Variants in C5 observed in about 807,000 individuals in gnomAD.
C5 encodes C3 and PZP-like alpha-2-macroglobulin domain-containing protein 4.
A neutral mutation model predicts 218.8 loss-of-function variants in C5; 140 were observed. That is an observed-to-expected ratio of 0.64 (90% confidence interval 0.56 to 0.74). The LOEUF (loss-of-function observed/expected upper bound fraction) is 0.74, where lower values mean the gene tolerates loss of function less well. Ranked by LOEUF, C5 falls within the 30% of genes least tolerant of loss-of-function variation. C5 has a pLI of 0.00. For synonymous variants in C5, 614 were observed against 682.3 expected, an observed-to-expected ratio of 0.90 and a Z score of 1.56; for missense variants, 1,700 against 1,969.6, an observed-to-expected ratio of 0.86 and a Z score of 2.59.
intron 3 of C5, among the ~76,000 whole-genome samples, chr9:121,039,360 CG>C (rs1587996991): frequency 6.6e-6 from 1 of 152,024 alleles, no homozygotes; most frequent in Admixed American, 6.5e-5. Flanking sequence ...GCTTATTGGC[CG>C]GGTGCAGTGG....
chr9:120,960,616 G>A (rs534673613), intron 37 of C5, among the ~76,000 whole-genome samples: 50 of 152,296 alleles, frequency 3.3e-4, no homozygotes, highest in African/African-American at 1.1e-3. Flanking sequence ...CTTCGAATGC[G>A]GCACAACACA....
intron 22 of C5, among the ~76,000 whole-genome samples, chr9:120,994,538 G>A (rs951779724): frequency 1.3e-5 from 2 of 151,794 alleles, no homozygotes; most frequent in African/African-American, 4.8e-5. Flanking sequence ...AGCTGACATG[G>A]CGCCACTGCA....
chr9:120,981,267 T>C (rs558018378), intron 27 of C5, among the ~76,000 whole-genome samples: 1 of 152,282 alleles, frequency 6.6e-6, no homozygotes, highest in Admixed American at 6.5e-5. Flanking sequence ...AAACAAATGG[T>C]TTTGTTTTGT....
intron 4 of C5, among the ~76,000 whole-genome samples, chr9:121,037,337 T>C (rs549284402): frequency 3.0e-4 from 45 of 150,810 alleles, no homozygotes; most frequent in Admixed American, 6.0e-4. Context: ...TTTTTTGAGA[T>C]GGAGTCTCAC....
At chr9:121,016,187 T>C in intron 15 of C5, 67 bp downstream of exon 15, 2 of 1,591,728 alleles carry the variant, frequency 1.3e-6, no homozygotes, top group South Asian at 1.1e-5. Flanking sequence ...GGAAGAAGGA[T>C]AAAAATGAGA....
At chr9:120,997,518 C>T (rs1478903673) in intron 21 of C5, 29 bp downstream of exon 21, 2 of 1,476,414 alleles carry the variant, frequency 1.4e-6, no homozygotes, top group Non-Finnish European at 1.9e-6. Flanking sequence ...ATAATTTAAG[C>T]ATAAGTTATT....
the C5 span, among the ~76,000 whole-genome samples, chr9:121,056,765 C>G: frequency 6.6e-6 from 1 of 151,470 alleles, no homozygotes; most frequent in Non-Finnish European, 1.5e-5. Flanking sequence ...GAGTTACTAG[C>G]CTTAAAGGGG....
chr9:120,982,162 C>T (rs573476114), intron 26 of C5, among the ~76,000 whole-genome samples: 2 of 152,338 alleles, frequency 1.3e-5, no homozygotes, highest in East Asian at 1.9e-4. Context: ...CAGGCGTGCA[C>T]TACCACGCAC....
intron 22 of C5, among the ~76,000 whole-genome samples, chr9:120,994,265 T>C (rs1472489734): frequency 6.6e-6 from 1 of 152,144 alleles, no homozygotes; most frequent in East Asian, 1.9e-4. Context: ...AGTATCATAG[T>C]TGTATAGCGA....
chr9:121,042,713 A>G (rs563871766), intron 3 of C5, among the ~76,000 whole-genome samples: 2 of 152,340 alleles, frequency 1.3e-5, no homozygotes, highest in African/African-American at 4.8e-5. Flanking sequence ...ACATTTTTAC[A>G]TAACATTCAA....
chr9:121,068,025 T>C, the C5 span, among the ~76,000 whole-genome samples: 1 of 152,194 alleles, frequency 6.6e-6, no homozygotes, highest in Non-Finnish European at 1.5e-5. Flanking sequence ...GCAGCGCACA[T>C]TATCATCAAT....
At chr9:121,072,812 T>TAAAAAAAAAAAAAAAA in the C5 span, among the ~76,000 whole-genome samples, 2 of 98,602 alleles carry the variant, frequency 2.0e-5, no homozygotes, top group African/African-American at 3.5e-5. Context: ...TTCAAAAAAT[T>TAAAAAAAAAAAAAAAA]AAAAAAAAAA....
At chr9:121,002,333 TATATATATACAC>T (rs1161116034) in intron 20 of C5, among the ~76,000 whole-genome samples, 22 of 118,086 alleles carry the variant, frequency 1.9e-4, no homozygotes, top group African/African-American at 5.6e-4. Flanking sequence ...TATATATATA[TATATATATACAC>T]ACATACCTAC....
chr9:121,051,774 C>T (rs1478932540), upstream of C5, among the ~76,000 whole-genome samples: 5 of 152,214 alleles, frequency 3.3e-5, no homozygotes, highest in East Asian at 9.6e-4. Context: ...AAATGACAAA[C>T]ATTTGCCACT....
upstream of C5, among the ~76,000 whole-genome samples, chr9:121,054,386 G>C (rs574253537): frequency 4.6e-5 from 7 of 152,238 alleles, no homozygotes; most frequent in East Asian, 5.8e-4. Context: ...GATCACCTGA[G>C]GTCAGGAGTT....
At chr9:120,953,314 G>T (rs1234719941) in intron 40 of C5, among the ~76,000 whole-genome samples, 1 of 152,204 alleles carries the variant, frequency 6.6e-6, no homozygotes, top group Admixed American at 6.5e-5. Flanking sequence ...CCTGGGGAGG[G>T]TTCACAAACC....
chr9:120,957,337 T>C lies in C5; in HGVS notation c.4710A>G (p.Val1570=), dbSNP rs1472836871. 2 of 1,613,088 alleles carry C rather than the reference T, an allele frequency of 1.2e-6. No homozygotes were observed. The highest frequency in any genetic ancestry group is 1.7e-6 in the Non-Finnish European group (2 of 1,179,394). The stretch of plus-strand genomic sequence containing the variant: ...CCTTGTACTTGACAAAAACATTTTC[T>C]ACAGTGATGGATGTGATGCTAACTT... ...AYKVSITSIT[V]ENVFVKYKAT... Residue 1570 remains valine (V), a synonymous_variant, in exon 39 of 41, where the codon GTA becomes GTG. Coordinates refer to ENST00000223642, the MANE Select transcript of C5 (RefSeq NM_001735.3).
the C5 span, among the ~76,000 whole-genome samples, chr9:121,071,166 C>T: frequency 2.0e-5 from 3 of 151,646 alleles, no homozygotes; most frequent in Non-Finnish European, 4.4e-5. Context: ...CACACATACA[C>T]AAAAATAGCT....
Position 120,992,372 on chromosome 9 carries a change from C to T in C5, c.2852-1092G>A, listed in dbSNP as rs73534953. On this transcript the variant is annotated intron_variant, in intron 22 of 40. Coordinates refer to ENST00000223642, the MANE Select transcript of C5 (RefSeq NM_001735.3). ...AAAAGAGCTTAGTATATATGTGACG[C>T]TGGGCAAGATACAACCTTTCTTAGC... Among the ~76,000 whole-genome samples, 1,058 of 152,302 alleles carry T rather than the reference C, an allele frequency of 6.9e-3. 12 individuals carry two copies. The highest frequency in any genetic ancestry group is 0.024 in the African/African-American group (1,000 of 41,550).
Sources: allele counts gnomAD v4.1 joint callset (sites outside exome capture counted in the v4.1 genomes callset), GRCh38; gene constraint gnomAD v4.1.1; transcripts MANE v1.5; gene names NCBI Gene and HGNC (gene_info 2026-07-23, HGNC 2026-07-21).